Variants in DGKB observed in about 807,000 individuals in gnomAD.
DGKB encodes diacylglycerol kinase beta, also known as 90 kDa diacylglycerol kinase.
A neutral mutation model predicts 114.3 loss-of-function variants in DGKB; 67 were observed. The ratio of observed to expected loss-of-function variants is 0.59; its 90% CI spans 0.48 to 0.72. The LOEUF is 0.72. DGKB is among the 30% of genes least tolerant of loss of function. The probability of loss-of-function intolerance (pLI) is 0.00; values close to 1 mark genes in which losing one functional copy is unlikely to be tolerated. For missense variants in DGKB, 907 were observed against 975.2 expected (o/e 0.93, Z 0.93); for synonymous variants, 398 against 323.1 (o/e 1.23, Z -2.49).
chr7:14,848,953 C>T (rs1373866030), intron 1 of DGKB, among the ~76,000 whole-genome samples: 1 of 151,834 alleles, frequency 6.6e-6, no homozygotes, highest in East Asian at 1.9e-4. Flanking sequence ...TTTCCTTGCC[C>T]AATTCTGCTT....
intron 23 of DGKB, among the ~76,000 whole-genome samples, chr7:14,273,222 C>T (rs541380744): frequency 2.0e-5 from 3 of 151,902 alleles, no homozygotes; most frequent in African/African-American, 2.4e-5. Flanking sequence ...GGGGCAATCC[C>T]GTAGTCCCAG....
At chr7:14,787,591 T>G (rs1362168919) in intron 2 of DGKB, among the ~76,000 whole-genome samples, 2 of 152,134 alleles carry the variant, frequency 1.3e-5, no homozygotes, top group African/African-American at 4.8e-5. Flanking sequence ...CAGATACATT[T>G]TTAAAATTCT....
chr7:14,173,290 T>G lies in DGKB; in HGVS notation c.2304+3549A>C, dbSNP rs554453011. On this transcript the variant is annotated intron_variant, in intron 25 of 25. Coordinates refer to ENST00000402815, the MANE Select transcript of DGKB (RefSeq NM_001350709.2). ...ACTCAATATTGGTGAAATTTATAAA[T>G]GTATCTTACATTAATTTTTCTATTA... Among the ~76,000 whole-genome samples, 5 of 152,322 alleles carry G rather than the reference T, an allele frequency of 3.3e-5. No homozygotes were observed. In the South Asian group the frequency reaches 1.0e-3, roughly 32 times the overall value.
intron 25 of DGKB, among the ~76,000 whole-genome samples, chr7:14,150,977 A>G (rs968950590): frequency 2.0e-5 from 3 of 152,254 alleles, no homozygotes; most frequent in African/African-American, 4.8e-5. Flanking sequence ...AGCAGGAAAG[A>G]TAAATTGAAC....
chr7:14,659,458 A>C (rs1361246424), intron 13 of DGKB, among the ~76,000 whole-genome samples: 2 of 151,362 alleles, frequency 1.3e-5, no homozygotes, highest in Non-Finnish European at 2.9e-5. Context: ...ATCCCTTGTA[A>C]GGTGGATTCC....
chr7:14,315,056 A>G (rs201483094), intron 23 of DGKB, among the ~76,000 whole-genome samples: 17 of 151,012 alleles, frequency 1.1e-4, no homozygotes, highest in Admixed American at 5.3e-4. Flanking sequence ...AAGGAGAAAT[A>G]AAATACTTTA....
At chr7:14,921,264 C>T (rs962763595) in intron 1 of DGKB, among the ~76,000 whole-genome samples, 1 of 151,962 alleles carries the variant, frequency 6.6e-6, no homozygotes, top group African/African-American at 2.4e-5. Context: ...TAACATTGTG[C>T]CAATATTCGT....
intron 20 of DGKB, among the ~76,000 whole-genome samples, chr7:14,525,389 TTGAG>T (rs1465902210): frequency 6.6e-6 from 1 of 152,216 alleles, no homozygotes; most frequent in Non-Finnish European, 1.5e-5. Flanking sequence ...TATTCTTAGT[TTGAG>T]TTAGACTTTT....
intron 21 of DGKB, among the ~76,000 whole-genome samples, chr7:14,389,245 G>A (rs1820931130): frequency 6.6e-6 from 1 of 152,160 alleles, no homozygotes; most frequent in Non-Finnish European, 1.5e-5. Context: ...CCACTTGTGT[G>A]ATAAATTACT....
chr7:14,525,671 T>G (rs1790524491), intron 20 of DGKB, among the ~76,000 whole-genome samples: 1 of 152,020 alleles, frequency 6.6e-6, no homozygotes, highest in Non-Finnish European at 1.5e-5. Context: ...ATTAAATACT[T>G]GACAAGTAGT....
intron 2 of DGKB, among the ~76,000 whole-genome samples, chr7:14,808,497 AAGAG>A (rs1269108373): frequency 6.6e-6 from 1 of 152,106 alleles, no homozygotes; most frequent in South Asian, 2.1e-4. Context: ...ACTAGAAAAA[AAGAG>A]AGATTTCACT....
chr7:14,787,065 C>T (rs535006866), intron 2 of DGKB, among the ~76,000 whole-genome samples: 1 of 152,062 alleles, frequency 6.6e-6, no homozygotes, highest in Non-Finnish European at 1.5e-5. Flanking sequence ...TAGGAGCTAC[C>T]CCGTTTGGGT....
chr7:14,924,604 G>GC (rs1424216850), intron 1 of DGKB, among the ~76,000 whole-genome samples: 1 of 151,982 alleles, frequency 6.6e-6, no homozygotes, highest in Non-Finnish European at 1.5e-5. Flanking sequence ...GTTCACTAGT[G>GC]CCCTCTTCAG....
intron 23 of DGKB, among the ~76,000 whole-genome samples, chr7:14,242,185 A>G (rs1365946128): frequency 1.3e-5 from 2 of 152,166 alleles, no homozygotes; most frequent in Admixed American, 6.5e-5. Flanking sequence ...TTTCCTTCAC[A>G]GAGACCAGTC....
At chr7:14,286,609 T>A in intron 23 of DGKB, among the ~76,000 whole-genome samples, 1 of 152,168 alleles carries the variant, frequency 6.6e-6, no homozygotes, top group Admixed American at 6.6e-5. Flanking sequence ...TACTCAGTAC[T>A]TTTCTTTGCC....
intron 2 of DGKB, among the ~76,000 whole-genome samples, chr7:14,777,804 G>A (rs968377441): frequency 5.9e-5 from 9 of 152,268 alleles, no homozygotes; most frequent in South Asian, 4.1e-4. Flanking sequence ...TAGTGTGAAC[G>A]GGTCAACGGG....
Position 14,494,552 on chromosome 7 carries a change from T to C in DGKB, c.1771-16327A>G, listed in dbSNP as rs73285810. On this transcript the variant is annotated intron_variant, in intron 20 of 25. Transcript: ENST00000402815. ...AGTATTTATGGGTTAACCACACTTA[T>C]GGCTTAATATGGCATTCACTTATTA... 8.6e-4 allele frequency among the ~76,000 whole-genome samples: 131 copies of C among 152,058 alleles called. 1 individual carries two copies. The highest frequency in any genetic ancestry group is 2.7e-3 in the African/African-American group (113 of 41,536).
At chr7:14,497,478 C>CCATAT (rs1785476664) in intron 20 of DGKB, among the ~76,000 whole-genome samples, 1 of 151,738 alleles carries the variant, frequency 6.6e-6, no homozygotes, top group Non-Finnish European at 1.5e-5. Context: ...GTCCATCCCC[C>CCATAT]CATATCATAA....
intron 1 of DGKB, among the ~76,000 whole-genome samples, chr7:14,894,969 C>G (rs907690616): frequency 6.6e-6 from 1 of 151,378 alleles, no homozygotes; most frequent in African/African-American, 2.4e-5. Flanking sequence ...AATAGAGCAC[C>G]CCTCCTAGTG....
Sources: gnomAD v4.1 joint callset for allele counts (sites outside exome capture counted in the v4.1 genomes callset) on GRCh38, gnomAD v4.1.1 for gene constraint, MANE v1.5 for transcripts, NCBI Gene and HGNC (gene_info 2026-07-23, HGNC 2026-07-21) for gene names.